Variants in ZNF587 observed in about 807,000 individuals in gnomAD.
ZNF587 encodes the protein zinc finger protein zfp6.
ZNF587 carries 8 observed loss-of-function variants against 7.5 expected under a neutral mutation model. The ratio of observed to expected loss-of-function variants is 1.06; its 90% confidence interval spans 0.62 to 1.92. The LOEUF is 1.92. Among genes scored for constraint, ZNF587 ranks in the 40% most tolerant of loss-of-function variants. ZNF587 has a pLI of 0.00. For missense variants in ZNF587, 468 were observed against 692.8 expected, an observed-to-expected ratio of 0.68 and a Z score of 3.64; for synonymous variants, 145 against 237.8, an observed-to-expected ratio of 0.61 and a Z score of 3.59.
chr19:57,852,655 G>A (rs370576205), intron 1 of ZNF587, among the ~76,000 whole-genome samples: 6 of 151,882 alleles, frequency 4.0e-5, no homozygotes, highest in East Asian at 1.9e-4. Context: ...AGCATTCAAG[G>A]TAGCTGGCAT....
At position 57,861,204 on chromosome 19, in the gene ZNF587, G is replaced by A. The variant is rs1423472674; in HGVS notation, c.*1064G>A. 6.6e-6 allele frequency: 1 copy of A among 152,108 alleles called. No individual in the cohort carries two copies. Among genetic ancestry groups the A allele is most frequent in the Non-Finnish European group, 1.5e-5 (1 of 68,026 alleles). The allele number at this position is 152,108 out of a possible 1,614,324, so 9.4% of individuals were successfully genotyped here. Reference sequence around the variant, plus strand: ...TTAAGAATGAAATTATTGCTCATTTGTATATCTATCTACCATCAGTGTCCA... The same window carrying A: ...TTAAGAATGAAATTATTGCTCATTTATATATCTATCTACCATCAGTGTCCA... On this transcript the variant is annotated 3_prime_UTR_variant, in exon 3 of 3. Transcript: ENST00000339656.
chr19:57,853,980 T>A (rs905429325), intron 1 of ZNF587: 2 of 152,236 alleles, frequency 1.3e-5, no homozygotes, highest in Non-Finnish European at 2.9e-5. Flanking sequence ...AGTCTTGAAC[T>A]CCTGACCGGG....
rs368295734 is a variant in ZNF587 at position 57,857,638 on chromosome 19, A to G, written c.164-938A>G. 1.5e-4 allele frequency among the ~76,000 whole-genome samples: 23 copies of G among 150,332 alleles called. No homozygotes were observed. In the East Asian group the frequency reaches 2.1e-3, roughly 14 times the overall value. On this transcript the variant is annotated intron_variant, in intron 2 of 2. Transcript: ENST00000339656. The stretch of plus-strand genomic sequence containing the variant: ...TGTATATATATATATGTGTGTGTGT[A>G]TATGTATATTTTTGAGAGAGAGTTT...
intron 2 of ZNF587, among the ~76,000 whole-genome samples, chr19:57,856,584 T>G (rs2071359177): frequency 6.6e-6 from 1 of 151,838 alleles, no homozygotes; most frequent in Admixed American, 6.6e-5. Context: ...ATTTTTTTTG[T>G]TTTTTAGTAG....
rs898508907 is a variant in ZNF587 at position 57,861,098 on chromosome 19, A to G, written c.*958A>G. ...GCTTGTTATGAACTGACCTCAAGTG[A>G]TCTGCCTGCCTCAGCTTCTCAGGTG... On this transcript the variant is annotated 3_prime_UTR_variant, in exon 3 of 3. Transcript: ENST00000339656. 1 of 152,042 alleles carries G rather than the reference A, an allele frequency of 6.6e-6. No homozygotes were observed. The highest frequency in any genetic ancestry group is 2.4e-5 in the African/African-American group (1 of 41,392). 9.4% of individuals were successfully genotyped at this position (152,042 alleles called of 1,614,324 possible).
At chr19:57,856,352 CTG>C (rs997404512) in intron 2 of ZNF587, 119 bp downstream of exon 2, 4 of 1,471,810 alleles carry the variant, frequency 2.7e-6, no homozygotes, top group Admixed American at 2.4e-5. Flanking sequence ...CTGCACTTCT[CTG>C]TGTAAGTTGT....
At chr19:57,856,752 G>C (rs2071360932) in intron 2 of ZNF587, among the ~76,000 whole-genome samples, 1 of 151,998 alleles carries the variant, frequency 6.6e-6, no homozygotes, top group African/African-American at 2.4e-5. Flanking sequence ...CTTTGCTCCA[G>C]GCTCCCAGGG....
rs1325634440 is a variant in ZNF587, at chr19:57,862,759, A to G, written c.*2619A>G. 1.3e-5 allele frequency: 2 copies of G among 155,018 alleles called. No homozygotes were observed. The highest frequency in any genetic ancestry group is 2.9e-5 in the Non-Finnish European group (2 of 68,234). The allele number at this position is 155,018 out of a possible 1,614,324, so 9.6% of individuals were successfully genotyped here. Reference sequence around the variant, plus strand: ...ACTGATACTGACAGGGAGATGGGACATTCTGAGGGACCCGGAGGCAGGGTG... The same window carrying G: ...ACTGATACTGACAGGGAGATGGGACGTTCTGAGGGACCCGGAGGCAGGGTG... On this transcript the variant is annotated 3_prime_UTR_variant, in exon 3 of 3. Transcript: ENST00000339656.
chr19:57,858,449 A>T, intron 2 of ZNF587, 127 bp from the exon 3 acceptor site: 1 of 1,469,542 alleles, frequency 6.8e-7, no homozygotes, highest in East Asian at 2.4e-5. Context: ...TTCAACTTGA[A>T]GCCAACATTG....
intron 1 of ZNF587, among the ~76,000 whole-genome samples, chr19:57,854,283 A>G (rs1397899565): frequency 6.6e-6 from 1 of 151,998 alleles, no homozygotes; most frequent in Non-Finnish European, 1.5e-5. Flanking sequence ...AAAGTGAAAT[A>G]GGGCCATGGC....
rs768828002 is a variant in ZNF587 at position 57,859,697 on chromosome 19, C to G, written c.1285C>G (p.Leu429Val). 22 of 1,613,418 alleles carry G rather than the reference C, an allele frequency of 1.4e-5. No individual in the cohort carries two copies. The African/African-American group carries it at 2.8e-4, about 21-fold the overall frequency. ...ATCCCACCTCACTGAACACCAGAGA[C>G]TTCACACTGGGGAAAGACCTTACAA... ...YRSHLTEHQR[L>V]HTGERPYNCR... Residue 429 changes from leucine to valine, a missense_variant, in exon 3 of 3, where the codon CTT becomes GTT. By Grantham distance (32) the Leu-to-Val change is conservative (BLOSUM62 1). Coordinates refer to ENST00000339656, the MANE Select transcript of ZNF587 (RefSeq NM_032828.4).
At chr19:57,850,334 GT>G (rs1254056078) in intron 1 of ZNF587, 2 of 632,704 alleles carry the variant, frequency 3.2e-6, no homozygotes, top group Non-Finnish European at 5.5e-6. Flanking sequence ...GGAGACAGGA[GT>G]TTTATTATTC....
intron 2 of ZNF587, 71 bp from the exon 3 acceptor site, chr19:57,858,505 C>G: frequency 6.5e-7 from 1 of 1,533,698 alleles, no homozygotes; most frequent in Non-Finnish European, 8.7e-7. Context: ...ATTTGTGAGA[C>G]GTACTTGTGG....
chr19:57,853,509 A>G (rs562238818), intron 1 of ZNF587, among the ~76,000 whole-genome samples: 31 of 152,264 alleles, frequency 2.0e-4, no homozygotes, highest in African/African-American at 7.2e-4. Context: ...CAGGGGGCAG[A>G]AAGGTGTGAT....
In ZNF587 at chr19:57,864,086, C is replaced by T. The variant is rs1204899694; in HGVS notation, c.*3946C>T. On this transcript the variant is annotated 3_prime_UTR_variant, in exon 3 of 3. Transcript: ENST00000339656. ...AATCCATAAATGTTATACTTTATAA[C>T]TTTATAACAGCATGTTATATGGGCT... The T allele has an allele frequency of 1.4e-5, 2 of 146,270 alleles. No individual in the cohort carries two copies. Among genetic ancestry groups the T allele is most frequent in the Non-Finnish European group, 3.0e-5 (2 of 66,846 alleles). The allele number at this position is 146,270 out of a possible 1,614,324, so 9.1% of individuals were successfully genotyped here.
At chr19:57,855,204 G>A (rs752178935) in intron 1 of ZNF587, among the ~76,000 whole-genome samples, 20 of 151,530 alleles carry the variant, frequency 1.3e-4, no homozygotes, top group Non-Finnish European at 2.8e-4. Context: ...AATTAGCCGA[G>A]TGTAGTGGTA....
Position 57,858,317 on chromosome 19 carries a change from G to C in ZNF587, c.164-259G>C, listed in dbSNP as rs926856277. 4 of 539,866 alleles carry C rather than the reference G, an allele frequency of 7.4e-6. No homozygotes were observed. In the African/African-American group the frequency reaches 7.8e-5, roughly 10 times the overall value. 33.4% of individuals were successfully genotyped at this position (539,866 alleles called of 1,614,324 possible). On this transcript the variant is annotated intron_variant, in intron 2 of 2. Transcript: ENST00000339656. The stretch of plus-strand genomic sequence containing the variant: ...AATTTTTGTATTTTTAGTAGAGATG[G>C]GGTTTCACCATGTTGTTCATGCTGG...
chr19:57,860,134 C>T lies in ZNF587; in HGVS notation c.1722C>T (p.Ala574=). ...ATCAGAGTTCACACAGGAGAAAGGC[C>T]TTATGAGTGCAGTGAATATGGGAAA... ...LHHQSSHRRK[A]L is the part of the protein sequence containing the mutation. Residue 574 remains alanine, a synonymous_variant, in exon 3 of 3, where the codon GCC becomes GCT. Coordinates refer to ENST00000339656, the MANE Select transcript of ZNF587 (RefSeq NM_032828.4). 1.2e-6 allele frequency: 2 copies of T among 1,614,132 alleles called. No individual in the cohort carries two copies. Among genetic ancestry groups the T allele is most frequent in the South Asian group, 1.1e-5 (1 of 91,078 alleles).
intron 1 of ZNF587, among the ~76,000 whole-genome samples, chr19:57,853,261 G>C (rs2071306236): frequency 1.3e-5 from 2 of 152,226 alleles, no homozygotes; most frequent in Non-Finnish European, 2.9e-5. Context: ...CTTCAGCTGA[G>C]ATGACGTTGG....
Sources: gnomAD v4.1 joint callset for allele counts (sites outside exome capture counted in the v4.1 genomes callset) on GRCh38, gnomAD v4.1.1 for gene constraint, MANE v1.5 for transcripts, NCBI Gene and HGNC (gene_info 2026-07-23, HGNC 2026-07-21) for gene names.